The following XYLB variants were observed in gnomAD, a reference collection of about 807,000 sequenced individuals.
XYLB encodes xylulokinase.
In XYLB, 62 loss-of-function variants were observed where a neutral mutation model predicts 78.7. The observed-to-expected ratio is 0.79, with a 90% CI of 0.64 to 0.97. XYLB has a LOEUF of 0.97. Among genes scored for constraint, XYLB ranks in the 50% least tolerant of loss-of-function variants. XYLB has a pLI of 0.00. For synonymous variants in XYLB, 245 were observed against 247.4 expected, an observed-to-expected ratio of 0.99 and a Z score of 0.09; for missense variants, 687 against 676.8, an observed-to-expected ratio of 1.02 and a Z score of -0.17.
intron 15 of XYLB, among the ~76,000 whole-genome samples, chr3:38,381,090 G>T (rs921780562): frequency 2.0e-5 from 3 of 152,238 alleles, no homozygotes; most frequent in Non-Finnish European, 4.4e-5. Flanking sequence ...GGGCAACATG[G>T]TGTGTTGCGG....
chr3:38,394,457 T>G (rs1280508504), intron 15 of XYLB, among the ~76,000 whole-genome samples: 1 of 152,232 alleles, frequency 6.6e-6, no homozygotes, highest in African/African-American at 2.4e-5. Context: ...ATAGATGGAC[T>G]ATTGTCTGCA....
chr3:38,408,403 A>G (rs1171582445), intron 18 of XYLB, among the ~76,000 whole-genome samples: 8 of 151,094 alleles, frequency 5.3e-5, no homozygotes, highest in Admixed American at 2.0e-4. Context: ...AGGGAAATTT[A>G]TAGCACTAAA....
At chr3:38,422,630 CA>C (rs1465243417), downstream of XYLB, among the ~76,000 whole-genome samples, 11 of 152,198 alleles carry the variant, frequency 7.2e-5, no homozygotes, top group South Asian at 2.3e-3. Flanking sequence ...TGAAGGACCC[CA>C]TGAACAATCT....
At chr3:38,404,022 C>T (rs1458156522) in intron 18 of XYLB, among the ~76,000 whole-genome samples, 2 of 152,170 alleles carry the variant, frequency 1.3e-5, no homozygotes, top group Non-Finnish European at 2.9e-5. Flanking sequence ...CCACATCCTT[C>T]ATTCTCTCTG....
intron 6 of XYLB, 99 bp downstream of exon 6, chr3:38,365,835 A>T (rs1281927832): frequency 6.9e-7 from 1 of 1,453,808 alleles, no homozygotes; most frequent in African/African-American, 1.4e-5. Flanking sequence ...GAGGTCATGG[A>T]GGTGTTGTGG....
At chr3:38,371,630 A>G (rs1466421573) in intron 9 of XYLB, among the ~76,000 whole-genome samples, 1 of 152,038 alleles carries the variant, frequency 6.6e-6, no homozygotes, top group Non-Finnish European at 1.5e-5. Context: ...AGATTGGGCA[A>G]TTCTGCCTCA....
chr3:38,399,977 C>T (rs981762110), intron 17 of XYLB, among the ~76,000 whole-genome samples: 2 of 152,132 alleles, frequency 1.3e-5, no homozygotes, highest in Non-Finnish European at 2.9e-5. Context: ...CATTCCAGTC[C>T]CTCATCCATT....
rs987901369 is a variant in XYLB, at chr3:38,355,938, C to G, written c.141-4401C>G. On this transcript the variant is annotated intron_variant, in intron 2 of 18. Transcript: ENST00000207870. ...TTTCCTTAACTAATATAATTTTTTC[C>G]CTCATATCCTTTTTTTAAAGAAAAT... 6.6e-6 allele frequency: 4 copies of G among 606,756 alleles called. No individual in the cohort carries two copies. In the African/African-American group the frequency reaches 7.4e-5, roughly 11 times the overall value. 37.6% of individuals were successfully genotyped at this position (606,756 alleles called of 1,614,324 possible). A position where few individuals can be genotyped will look rare whatever the true frequency, so the allele number is the denominator to read the frequency against.
At chr3:38,407,965 G>A (rs1391903139) in intron 18 of XYLB, among the ~76,000 whole-genome samples, 2 of 152,058 alleles carry the variant, frequency 1.3e-5, no homozygotes, top group Admixed American at 6.6e-5. Flanking sequence ...GTCAACATTA[G>A]ACAGAACAAC....
At chr3:38,371,854 C>T (rs1706582715) in intron 9 of XYLB, among the ~76,000 whole-genome samples, 1 of 152,174 alleles carries the variant, frequency 6.6e-6, no homozygotes, top group Non-Finnish European at 1.5e-5. Flanking sequence ...AGCTTTCTGA[C>T]CCGCTTTCTG....
In XYLB at chr3:38,379,312, A is replaced by G; in HGVS notation, c.1261A>G (p.Ile421Val). The change falls in exon 15 of 19, where the codon ATT becomes GTT. Residue 421 changes from isoleucine (I) to valine (V), a missense_variant. Transcript: ENST00000207870. ...LIEGQFMAKR[I>V]HAEGLGYRVM... The stretch of plus-strand genomic sequence containing the variant: ...TGAAGGACAATTCATGGCCAAGAGG[A>G]TTCACGCAGAAGGCCTGGGCTATCG... 1 of 1,614,076 alleles carries G rather than the reference A, an allele frequency of 6.2e-7. No homozygotes were observed.
At chr3:38,376,096 G>T in intron 12 of XYLB, 21 bp from the exon 13 acceptor site, 1 of 1,543,304 alleles carries the variant, frequency 6.5e-7, no homozygotes. Context: ...CCCTCCCTCA[G>T]AGCTATGCCC....
chr3:38,346,897 G>A lies in XYLB; in HGVS notation c.29G>A (p.Cys10Tyr). Reference sequence around the variant, plus strand: ...GCGGAGCACGCCCCTCGCCGCTGCTGCCTGGGCTGGGACTTCAGCACGCAG... The same window carrying A: ...GCGGAGCACGCCCCTCGCCGCTGCTACCTGGGCTGGGACTTCAGCACGCAG... MAEHAPRRCCLGWDFSTQQV... is the reference protein window; with the variant it reads MAEHAPRRCYLGWDFSTQQV... The change falls in exon 1 of 19, where the codon TGC becomes TAC. Residue 10 changes from cysteine to tyrosine, a missense_variant. Physicochemically the swap from Cys to Tyr is radical, Grantham distance 194 (BLOSUM62 -2). Transcript: ENST00000207870. 6.6e-7 allele frequency: 1 copy of A among 1,518,766 alleles called. No individual in the cohort carries two copies. The highest frequency in any genetic ancestry group is 8.8e-7 in the Non-Finnish European group (1 of 1,136,002). 94.1% of individuals were successfully genotyped at this position (1,518,766 alleles called of 1,614,324 possible).
chr3:38,352,172 G>T (rs900466596), intron 2 of XYLB, among the ~76,000 whole-genome samples: 6 of 147,616 alleles, frequency 4.1e-5, no homozygotes, highest in African/African-American at 1.5e-4. Flanking sequence ...GTAACTCAAT[G>T]AAAAGTATAC....
At chr3:38,398,743 G>T (rs1414902984) in intron 17 of XYLB, among the ~76,000 whole-genome samples, 3 of 148,944 alleles carry the variant, frequency 2.0e-5, no homozygotes, top group Non-Finnish European at 4.4e-5. Context: ...CTGACATTTC[G>T]GTTGGGTGCA....
chr3:38,385,891 T>C (rs985759467), intron 15 of XYLB, among the ~76,000 whole-genome samples: 1 of 152,114 alleles, frequency 6.6e-6, no homozygotes, highest in Admixed American at 6.6e-5. Flanking sequence ...GCTGGGAATA[T>C]GTAAGGATAT....
In XYLB at chr3:38,354,923, G is replaced by C. The variant is rs116145960; in HGVS notation, c.141-5416G>C. 2.6e-3 allele frequency among the ~76,000 whole-genome samples: 400 copies of C among 152,310 alleles called. 1 individual carries two copies. The highest frequency in any genetic ancestry group is 4.6e-3 in the Non-Finnish European group (310 of 68,016). On this transcript the variant is annotated intron_variant, in intron 2 of 18. Transcript: ENST00000207870. Reference sequence around the variant, plus strand: ...ACGTTATGACTTTCCATTTGTTCAAGTCTTCTTTTGAATACTTCACATGTG... The same window carrying C: ...ACGTTATGACTTTCCATTTGTTCAACTCTTCTTTTGAATACTTCACATGTG...
the XYLB span, among the ~76,000 whole-genome samples, chr3:38,429,881 T>G: frequency 6.6e-6 from 1 of 152,234 alleles, no homozygotes; most frequent in Non-Finnish European, 1.5e-5. Context: ...GCAAAGGACA[T>G]GAACTCATCC....
chr3:38,435,662 A>C, the XYLB span, among the ~76,000 whole-genome samples: 1 of 152,210 alleles, frequency 6.6e-6, no homozygotes, highest in Non-Finnish European at 1.5e-5. Context: ...TCAGCATACA[A>C]CACATTCTCC....
Sources: gnomAD v4.1 joint callset for allele counts (sites outside exome capture counted in the v4.1 genomes callset) on GRCh38, gnomAD v4.1.1 for gene constraint, MANE v1.5 for transcripts, NCBI Gene and HGNC (gene_info 2026-07-23, HGNC 2026-07-21) for gene names.